RNF213: variants seen among roughly 807,000 people sequenced by gnomAD.
The protein encoded by RNF213 is ring finger protein 213.
Under a neutral mutation model 514.4 loss-of-function variants are expected in RNF213, and 341 were observed. That is an observed-to-expected ratio of 0.66 (90% CI 0.61 to 0.73). The LOEUF is 0.73. RNF213 is among the 30% of genes least tolerant of loss of function. RNF213 has a pLI of 0.00. For missense variants in RNF213, 5,767 were observed against 6,615.6 expected, an observed-to-expected ratio of 0.87 and a Z score of 4.45; for synonymous variants, 2,655 against 2,658.2, an observed-to-expected ratio of 1.00 and a Z score of 0.04.
rs1243654578 is a variant in RNF213 at position 80,264,526 on chromosome 17, C to CT, written c.97+751dup. On this transcript the variant is annotated intron_variant, in intron 2 of 67. Coordinates refer to ENST00000582970, the MANE Select transcript of RNF213 (RefSeq NM_001256071.3). The surrounding 1 kb of genome is among the most constrained non-coding windows in gnomAD (Gnocchi z 5.0). ...AACTAGCAGCCCCCAGACCTTCAGC[C>CT]TTTCTGTGTCCAAAGCCCAGCCCCA... 6.6e-6 allele frequency among the ~76,000 whole-genome samples: 1 copy of CT among 152,132 alleles called. No individual in the cohort carries two copies. Among genetic ancestry groups the CT allele is most frequent in the Admixed American group, 6.5e-5 (1 of 15,268 alleles).
intron 2 of RNF213, among the ~76,000 whole-genome samples, chr17:80,269,210 C>T (rs1013754553): frequency 2.0e-5 from 3 of 152,130 alleles, no homozygotes; most frequent in Non-Finnish European, 4.4e-5. Flanking sequence ...CTCTCCCAGG[C>T]CATTGACTCA....
intron 55 of RNF213, 121 bp from the exon 56 acceptor site, chr17:80,380,710 A>G: frequency 8.6e-7 from 1 of 1,165,556 alleles, no homozygotes; most frequent in Non-Finnish European, 1.3e-6. Flanking sequence ...TTTGTGGAAC[A>G]GCAAGTACTC....
rs2078254550 is a variant in RNF213 at position 80,344,699 on chromosome 17, A to G, written c.6364A>G (p.Ser2122Gly). 2 of 1,614,124 alleles carry G rather than the reference A, an allele frequency of 1.2e-6. No homozygotes were observed. Among genetic ancestry groups the G allele is most frequent in the Non-Finnish European group, 1.7e-6 (2 of 1,180,022 alleles). The change falls in exon 29 of 68, where the codon AGT becomes GGT. Residue 2122 changes from serine to glycine, a missense_variant. Ser to Gly is a moderately conservative substitution (Grantham distance 56). This residue lies in a region of RNF213 where 1,377 missense variants were observed against 1,635.2 expected (regional missense o/e 0.84). Transcript: ENST00000582970. Reference sequence around the variant, plus strand: ...CCAGCGTACACGTGTACCCCAGTTCAGTTTTCTTGACATCTTCCCAAAAGT... The same window carrying G: ...CCAGCGTACACGTGTACCCCAGTTCGGTTTTCTTGACATCTTCCCAAAAGT... ...SALRTRVPQF[S>G]FLDIFPKVTC...
Position 80,345,541 on chromosome 17 carries a change from A to G in RNF213, c.7206A>G (p.Lys2402=). Residue 2402 remains lysine, a synonymous_variant, in exon 29 of 68, where the codon AAA becomes AAG. Coordinates refer to ENST00000582970, the MANE Select transcript of RNF213 (RefSeq NM_001256071.3). The surrounding 1 kb of genome is among the most constrained non-coding windows in gnomAD (Gnocchi z 6.0). ...AGCTCACAACCGACAATATGCTTAA[A>G]ATCCTTGCCATCGAGATGCGGTTCC... ...TYELTTDNML[K]ILAIEMRFRC... 6.2e-7 allele frequency: 1 copy of G among 1,613,254 alleles called. No individual in the cohort carries two copies.
At chr17:80,289,493 C>T (rs1238520123) in intron 5 of RNF213, among the ~76,000 whole-genome samples, 166 bp from the exon 6 acceptor site, 4 of 151,396 alleles carry the variant, frequency 2.6e-5, no homozygotes, top group East Asian at 1.9e-4. Context: ...GGGAGGCTGT[C>T]GCAGGAGAAT....
chr17:80,389,532 C>T (rs1158728805), intron 65 of RNF213, among the ~76,000 whole-genome samples, 165 bp downstream of exon 65: 2 of 152,128 alleles, frequency 1.3e-5, no homozygotes, highest in African/African-American at 4.8e-5. Context: ...ACAGGACACA[C>T]CAGGGACAGT....
At chr17:80,385,295 C>A in intron 60 of RNF213, 124 bp downstream of exon 60, 1 of 1,242,724 alleles carries the variant, frequency 8.0e-7, no homozygotes, top group Non-Finnish European at 1.2e-6. Flanking sequence ...TAGCCTAAGC[C>A]CTTACCATGC....
Position 80,328,326 on chromosome 17 carries a change from A to G in RNF213, c.3368-2A>G, listed in dbSNP as rs1298232938. On this transcript the variant is annotated splice_acceptor_variant, in intron 19 of 67. Transcript: ENST00000582970. LOFTEE classifies it high-confidence loss of function. ...TACTTTATTGGTGTTCTTATTTTCC[A>G]GGGGAAAAAAGTCTTTCACCCCAGG... The G allele has an allele frequency of 1.3e-6, 2 of 1,533,816 alleles. No homozygotes were observed. The highest frequency in any genetic ancestry group is 1.4e-5 in the African/African-American group (1 of 72,828).
In RNF213 at chr17:80,383,725, A is replaced by C. The variant is rs781283661; in HGVS notation, c.14119A>C (p.Lys4707Gln). The C allele has an allele frequency of 1.2e-6, 2 of 1,614,046 alleles. No homozygotes were observed. Among genetic ancestry groups the C allele is most frequent in the South Asian group, 2.2e-5 (2 of 91,074 alleles). Reference sequence around the variant, plus strand: ...CATGAATAATCTCATCAGCCAAGATAAGCGTATCAGCTCTAACCCTGTGGC... The same window carrying C: ...CATGAATAATCTCATCAGCCAAGATCAGCGTATCAGCTCTAACCCTGTGGC... ...PTMNNLISQD[K>Q]RISSNPVAKI... The change falls in exon 59 of 68, where the codon AAG (lysine) becomes CAG (glutamine). Residue 4707 changes from lysine (K) to glutamine (Q), a missense_variant. Around this residue, in one of 13 missense-constraint regions of RNF213, gnomAD observed 1,245 missense variants for 1,339.0 expected, o/e 0.93. Transcript: ENST00000582970.
chr17:80,297,555 A>T (rs2045003871), intron 10 of RNF213, among the ~76,000 whole-genome samples: 1 of 149,992 alleles, frequency 6.7e-6, no homozygotes, highest in Non-Finnish European at 1.5e-5. Flanking sequence ...GGAGTTCAGG[A>T]TCAGTCTGGG....
At chr17:80,295,499 A>ATT (rs1379889994) in intron 9 of RNF213, 58 bp from the exon 10 acceptor site, 1 of 1,608,046 alleles carries the variant, frequency 6.2e-7, no homozygotes, top group Non-Finnish European at 8.5e-7. Flanking sequence ...GCAGCTCTGG[A>ATT]CACTGCCGGT....
At chr17:80,268,479 C>T (rs1480600054) in intron 2 of RNF213, among the ~76,000 whole-genome samples, 1 of 151,822 alleles carries the variant, frequency 6.6e-6, no homozygotes, top group East Asian at 1.9e-4. Flanking sequence ...CCCTATTTGG[C>T]CTTTGTGGAA....
At chr17:80,290,170 C>G (rs753473462) in intron 6 of RNF213, among the ~76,000 whole-genome samples, 1 of 152,246 alleles carries the variant, frequency 6.6e-6, no homozygotes, top group South Asian at 2.1e-4. Context: ...CCTCTTCTTC[C>G]TCCATTTTGG....
At chr17:80,362,109 C>T (rs892649099) in intron 39 of RNF213, among the ~76,000 whole-genome samples, 3 of 152,200 alleles carry the variant, frequency 2.0e-5, no homozygotes, top group Admixed American at 1.3e-4. Context: ...TCCTAAAACA[C>T]GGAGCTTTCT....
intron 12 of RNF213, among the ~76,000 whole-genome samples, chr17:80,306,868 A>T (rs991888508): frequency 2.7e-5 from 4 of 147,856 alleles, no homozygotes; most frequent in Admixed American, 6.7e-5. Context: ...AAAAAAAAAA[A>T]GAAGGCGTCT....
At chr17:80,357,470 T>C (rs1280494284) in intron 36 of RNF213, among the ~76,000 whole-genome samples, 1 of 152,164 alleles carries the variant, frequency 6.6e-6, no homozygotes, top group Non-Finnish European at 1.5e-5. Flanking sequence ...CAGGAACAAA[T>C]ACTTAGTTCC....
chr17:80,395,419 A>T lies in RNF213; in HGVS notation c.*1921A>T, dbSNP rs1427176594. ...GAAATGTCCTTTAGAAGCACCCATG[A>T]AGTAGTGTGTTCAGACTGTGCACAC... On this transcript the variant is annotated 3_prime_UTR_variant, in exon 68 of 68. Transcript: ENST00000582970. 1.3e-5 allele frequency: 2 copies of T among 152,190 alleles called. No individual in the cohort carries two copies. The highest frequency in any genetic ancestry group is 4.8e-5 in the African/African-American group (2 of 41,454). 9.4% of individuals were successfully genotyped at this position (152,190 alleles called of 1,614,324 possible).
At chr17:80,296,096 T>C (rs968778866) in intron 10 of RNF213, among the ~76,000 whole-genome samples, 3 of 152,194 alleles carry the variant, frequency 2.0e-5, no homozygotes, top group Admixed American at 6.6e-5. Flanking sequence ...CTTGGCTCAC[T>C]GCAGCCTCCA....
In RNF213 at chr17:80,393,431, T is replaced by G; in HGVS notation, c.15557T>G (p.Leu5186Arg). ...EMASQFPEEILLASCVSVWKT... is the reference protein window; with the variant it reads ...EMASQFPEEIRLASCVSVWKT... ...GCATCTCAGTTCCCAGAAGAGATAC[T>G]GCTCGCCAGCTGTGTCTCAGTGTGG... is the stretch of plus-strand genomic sequence containing the variant. The change falls in exon 68 of 68, where the codon CTG becomes CGG. Residue 5186 changes from leucine to arginine, a missense_variant. Around this residue, in one of 13 missense-constraint regions of RNF213, gnomAD observed 1,245 missense variants for 1,339.0 expected, o/e 0.93. Transcript: ENST00000582970. The G allele has an allele frequency of 6.2e-7, 1 of 1,614,184 alleles. No individual in the cohort carries two copies. Among genetic ancestry groups the G allele is most frequent in the Non-Finnish European group, 8.5e-7 (1 of 1,179,970 alleles).
Sources: allele counts gnomAD v4.1 joint callset (sites outside exome capture counted in the v4.1 genomes callset), GRCh38; gene constraint gnomAD v4.1.1; regional missense constraint gnomAD v4.1.1; non-coding constraint Gnocchi (gnomAD v3.1); transcripts MANE v1.5; gene names NCBI Gene and HGNC (gene_info 2026-07-23, HGNC 2026-07-21).